Variants in UTP15 observed in about 807,000 individuals in gnomAD.
The protein encoded by UTP15 is U3 small nucleolar RNA-associated protein 15 homolog.
UTP15 carries 5 observed loss-of-function variants against 59.1 expected under a neutral mutation model. The ratio of observed to expected loss-of-function variants is 0.08; its 90% CI spans 0.04 to 0.18. UTP15 has a LOEUF of 0.18. Among genes scored for constraint, UTP15 ranks in the 10% least tolerant of loss-of-function variants. The pLI is 1.00. For missense variants in UTP15, 494 were observed against 616.7 expected (o/e 0.80, Z 2.11); for synonymous variants, 211 against 212.2 (o/e 0.99, Z 0.05).
rs1214766124 is a variant in UTP15 at position 73,580,827 on chromosome 5, A to C, written c.*733A>C. ...TGTTTCAGGTCAGAGGAATGATAGAATTTGTCATTTTTCTTACAACAGCCT... is the reference window on the plus strand; with the variant it reads ...TGTTTCAGGTCAGAGGAATGATAGACTTTGTCATTTTTCTTACAACAGCCT... On this transcript the variant is annotated 3_prime_UTR_variant, in exon 13 of 13. Coordinates refer to ENST00000296792, the MANE Select transcript of UTP15 (RefSeq NM_032175.4). The C allele has an allele frequency of 6.6e-6, 1 of 151,872 alleles. No homozygotes were observed. Among genetic ancestry groups the C allele is most frequent in the Admixed American group, 6.6e-5 (1 of 15,234 alleles). 9.4% of individuals were successfully genotyped at this position (151,872 alleles called of 1,614,324 possible). A position where few individuals can be genotyped will look rare whatever the true frequency, so the allele number is the denominator to read the frequency against.
chr5:73,577,749 G>C lies in UTP15; in HGVS notation c.895-107G>C, dbSNP rs1748144591. ...TATGTGTATTTGAATGGAACTGTTG[G>C]TGAATGTATGGACAAGCAGCAAACA... is the stretch of plus-strand genomic sequence containing the variant. On this transcript the variant is annotated intron_variant, in intron 8 of 12. Coordinates refer to ENST00000296792, the MANE Select transcript of UTP15 (RefSeq NM_032175.4). 6 of 924,198 alleles carry C rather than the reference G, an allele frequency of 6.5e-6. No individual in the cohort carries two copies. The Admixed American group carries it at 1.2e-4, about 19-fold the overall frequency. 57.2% of individuals were successfully genotyped at this position (924,198 alleles called of 1,614,324 possible).
rs371164237 is a variant in UTP15, at chr5:73,579,879, A to C, written c.1342A>C (p.Ile448Leu). The change falls in exon 13 of 13, where the codon ATA becomes CTA. Residue 448 changes from isoleucine (I) to leucine (L), a missense_variant and splice_region_variant. Ile to Leu is a conservative substitution (Grantham distance 5, BLOSUM62 2). Coordinates refer to ENST00000296792, the MANE Select transcript of UTP15 (RefSeq NM_032175.4). Reference sequence around the variant, plus strand: ...GTGTTTTCTTTCTCTCTTTTTAGATATATATCTGCCTGTAATTGGTCAGTC... The same window carrying C: ...GTGTTTTCTTTCTCTCTTTTTAGATCTATATCTGCCTGTAATTGGTCAGTC... ...LINAAEIIID[I>L]YLPVIGQSPV... The C allele has an allele frequency of 1.6e-5, 25 of 1,591,884 alleles. No individual in the cohort carries two copies. The African/African-American group carries it at 3.2e-4, about 21-fold the overall frequency.
At chr5:73,576,828 A>G in intron 7 of UTP15, 124 bp from the exon 8 acceptor site, 1 of 685,642 alleles carries the variant, frequency 1.5e-6, no homozygotes, top group Non-Finnish European at 2.5e-6. Context: ...TAACATTACT[A>G]ATCTTTGTTT....
At chr5:73,570,099 G>A (rs192757776) in intron 5 of UTP15, among the ~76,000 whole-genome samples, 18 of 152,288 alleles carry the variant, frequency 1.2e-4, no homozygotes, top group Middle Eastern at 3.4e-3. Flanking sequence ...CCTCCCGGAG[G>A]ACTGGGATTA....
At chr5:73,569,084 C>G (rs1747861656) in intron 4 of UTP15, among the ~76,000 whole-genome samples, 2 of 152,056 alleles carry the variant, frequency 1.3e-5, no homozygotes, top group South Asian at 4.2e-4. Flanking sequence ...TTCAGGATTG[C>G]CAATGTCCGT....
rs1748242328 is a variant in UTP15 at position 73,579,800 on chromosome 5, C to T, written c.1340-77C>T. On this transcript the variant is annotated intron_variant, in intron 12 of 12. Transcript: ENST00000296792. ...TGTTCTTATGTTTAATATTTTTATACTTTTAAAAACTTTTGCTTTTCACTT... is the reference window on the plus strand; with the variant it reads ...TGTTCTTATGTTTAATATTTTTATATTTTTAAAAACTTTTGCTTTTCACTT... The T allele has an allele frequency of 9.2e-6, 8 of 873,320 alleles. No individual in the cohort carries two copies. In the East Asian group the frequency reaches 1.9e-4, roughly 21 times the overall value. 54.1% of individuals were successfully genotyped at this position (873,320 alleles called of 1,614,324 possible).
intron 7 of UTP15, among the ~76,000 whole-genome samples, chr5:73,574,392 A>ATT (rs1322196881): frequency 2.0e-5 from 3 of 152,088 alleles, no homozygotes; most frequent in African/African-American, 4.8e-5. Flanking sequence ...AAAATAAAAA[A>ATT]TTTAGTTTCT....
At position 73,582,581 on chromosome 5, in the gene UTP15, G is replaced by A. The variant is rs535927070; in HGVS notation, c.*2487G>A. On this transcript the variant is annotated 3_prime_UTR_variant, in exon 13 of 13. Transcript: ENST00000296792. ...TTATTTTGATTTTTTGAGATAAGAGGTCTCACCATGTTGCCCAGGCCTGAG... is the reference window on the plus strand; with the variant it reads ...TTATTTTGATTTTTTGAGATAAGAGATCTCACCATGTTGCCCAGGCCTGAG... The A allele has an allele frequency of 6.6e-6, 1 of 152,098 alleles. No individual in the cohort carries two copies. The highest frequency in any genetic ancestry group is 2.1e-4 in the South Asian group (1 of 4,814). The allele number at this position is 152,098 out of a possible 1,614,324, so 9.4% of individuals were successfully genotyped here. A position where few individuals can be genotyped will look rare whatever the true frequency, so the allele number is the denominator to read the frequency against.
chr5:73,568,405 T>G lies in UTP15; in HGVS notation c.184-15T>G, dbSNP rs1747843596. On this transcript the variant is annotated splice_polypyrimidine_tract_variant and intron_variant, in intron 3 of 12. Transcript: ENST00000296792. The stretch of plus-strand genomic sequence containing the variant: ...TCTTGAGCCATCTGGTGAAATACTG[T>G]TTTTCATCTTGTAGATTCACATTTA... 1 of 1,603,036 alleles carries G rather than the reference T, an allele frequency of 6.2e-7. No homozygotes were observed. The highest frequency in any genetic ancestry group is 1.3e-5 in the African/African-American group (1 of 74,236).
chr5:73,568,587 G>C lies in UTP15; in HGVS notation c.351G>C (p.Gln117His). 6.2e-7 allele frequency: 1 copy of C among 1,612,134 alleles called. No individual in the cohort carries two copies. The highest frequency in any genetic ancestry group is 8.5e-7 in the Non-Finnish European group (1 of 1,179,422). ...FDISGRAPLR[Q>H]FEGHTKAVHT... ...TAAGTGGGAGGGCTCCCCTCAGGCAGTTTGAAGGCCATACAAAGTAAGAGA... is the reference window on the plus strand; with the variant it reads ...TAAGTGGGAGGGCTCCCCTCAGGCACTTTGAAGGCCATACAAAGTAAGAGA... The change falls in exon 4 of 13, where the codon CAG becomes CAC. Residue 117 changes from glutamine to histidine, a missense_variant. Gln to His is a conservative substitution (Grantham distance 24). Transcript: ENST00000296792.
At position 73,583,079 on chromosome 5, in the gene UTP15, G is replaced by C. The variant is rs752323642; in HGVS notation, c.*2985G>C. On this transcript the variant is annotated 3_prime_UTR_variant, in exon 13 of 13. Transcript: ENST00000296792. ...GGGATTGTTAAAACAAATTTAGTCT[G>C]TTCAACTCAATGAGGGCATTTCATT... 2 of 152,196 alleles carry C rather than the reference G, an allele frequency of 1.3e-5. No individual in the cohort carries two copies. Among genetic ancestry groups the C allele is most frequent in the African/African-American group, 2.4e-5 (1 of 41,446 alleles). 9.4% of individuals were successfully genotyped at this position (152,196 alleles called of 1,614,324 possible). A position where few individuals can be genotyped will look rare whatever the true frequency, so the allele number is the denominator to read the frequency against.
chr5:73,578,937 A>ATATAT, intron 10 of UTP15, 80 bp from the exon 11 acceptor site: 2 of 1,599,450 alleles, frequency 1.3e-6, no homozygotes, highest in South Asian at 1.1e-5. Context: ...AATATTATTC[A>ATATAT]AACTTGATAA....
At position 73,577,045 on chromosome 5, in the gene UTP15, C is replaced by CT. The variant is rs774491207; in HGVS notation, c.894+12dup. ...TGAGTCTTGCCCTTGCAGTAAGTACCTTTACCTATTTTTAAGTCTGTCACT... is the reference window on the plus strand; with the variant it reads ...TGAGTCTTGCCCTTGCAGTAAGTACCTTTTACCTATTTTTAAGTCTGTCACT... On this transcript the variant is annotated intron_variant, in intron 8 of 12. Transcript: ENST00000296792. 1.3e-6 allele frequency: 2 copies of CT among 1,588,486 alleles called. No homozygotes were observed. The highest frequency in any genetic ancestry group is 2.7e-5 in the African/African-American group (2 of 73,508).
chr5:73,579,464 A>G, intron 12 of UTP15, 89 bp downstream of exon 12: 5 of 1,014,686 alleles, frequency 4.9e-6, no homozygotes, highest in Non-Finnish European at 7.4e-6. Flanking sequence ...GTAGATCAAA[A>G]TATCTTGCTT....
chr5:73,577,494 G>C (rs1426133627), intron 8 of UTP15, among the ~76,000 whole-genome samples: 2 of 152,164 alleles, frequency 1.3e-5, no homozygotes, highest in South Asian at 4.1e-4. Context: ...GAAGGCATTT[G>C]ACTATATTAT....
At position 73,581,896 on chromosome 5, in the gene UTP15, T is replaced by C. The variant is rs759014432; in HGVS notation, c.*1802T>C. ...TTTCCCTGAGTAATTATGAACTTAG[T>C]CAAGATCAGAAGCTGGGTTTTGGGG... On this transcript the variant is annotated 3_prime_UTR_variant, in exon 13 of 13. Coordinates refer to ENST00000296792, the MANE Select transcript of UTP15 (RefSeq NM_032175.4). 2 of 152,160 alleles carry C rather than the reference T, an allele frequency of 1.3e-5. No individual in the cohort carries two copies. The highest frequency in any genetic ancestry group is 2.4e-5 in the African/African-American group (1 of 41,442). 9.4% of individuals were successfully genotyped at this position (152,160 alleles called of 1,614,324 possible). A position where few individuals can be genotyped will look rare whatever the true frequency, so the allele number is the denominator to read the frequency against.
intron 9 of UTP15, 100 bp from the exon 10 acceptor site, chr5:73,578,651 A>G (rs1748201098): frequency 3.1e-6 from 3 of 959,272 alleles, no homozygotes; most frequent in Non-Finnish European, 4.8e-6. Flanking sequence ...TATTTGTGAC[A>G]TAGTTCAGAG....
chr5:73,578,160 T>A, intron 9 of UTP15, 155 bp downstream of exon 9: 1 of 686,136 alleles, frequency 1.5e-6, no homozygotes, highest in Non-Finnish European at 2.4e-6. Flanking sequence ...TTGGGGACAT[T>A]ATTGATGAGT....
intron 6 of UTP15, among the ~76,000 whole-genome samples, chr5:73,571,906 T>G (rs890957005): frequency 1.3e-5 from 2 of 152,348 alleles, no homozygotes; most frequent in Admixed American, 1.3e-4. Flanking sequence ...CCACTGTGTG[T>G]CACTAGCTAA....
Sources: allele counts gnomAD v4.1 joint callset (sites outside exome capture counted in the v4.1 genomes callset), GRCh38; gene constraint gnomAD v4.1.1; transcripts MANE v1.5; gene names NCBI Gene and HGNC (gene_info 2026-07-23, HGNC 2026-07-21).